ASIC2: variants seen among roughly 807,000 people sequenced by gnomAD.
ASIC2 encodes the protein acid sensing ion channel subunit 2.
In ASIC2, 25 loss-of-function variants were observed where a neutral mutation model predicts 57.3. The observed-to-expected ratio is 0.44, with a 90% confidence interval of 0.32 to 0.61. The LOEUF is 0.61. Among genes scored for constraint, ASIC2 ranks in the 20% least tolerant of loss-of-function variants. ASIC2 has a pLI of 0.06. For synonymous variants in ASIC2, 319 were observed against 307.5 expected, an observed-to-expected ratio of 1.04 and a Z score of -0.39; for missense variants, 641 against 738.1, an observed-to-expected ratio of 0.87 and a Z score of 1.52.
chr17:33,203,074 C>T (rs1051105945), intron 1 of ASIC2, among the ~76,000 whole-genome samples: 3 of 152,218 alleles, frequency 2.0e-5, no homozygotes, highest in Non-Finnish European at 2.9e-5. Flanking sequence ...AAAATTTGCA[C>T]GTGCTAAACC....
At chr17:33,372,055 T>G (rs1237892676) in intron 1 of ASIC2, among the ~76,000 whole-genome samples, 1 of 151,772 alleles carries the variant, frequency 6.6e-6, no homozygotes, top group African/African-American at 2.4e-5. Flanking sequence ...GAATAACACT[T>G]AAGAAGAACT....
At chr17:33,327,090 G>C (rs1307461569) in intron 1 of ASIC2, among the ~76,000 whole-genome samples, 1 of 152,122 alleles carries the variant, frequency 6.6e-6, no homozygotes, top group African/African-American at 2.4e-5. Flanking sequence ...ATTCAACAGG[G>C]AGCCTTCTCT....
intron 1 of ASIC2, among the ~76,000 whole-genome samples, chr17:33,819,283 A>G (rs558834606): frequency 1.3e-4 from 20 of 152,330 alleles, no homozygotes; most frequent in African/African-American, 4.1e-4. Flanking sequence ...TTAGCTTAAA[A>G]GTAAGTTTCT....
Position 33,763,216 on chromosome 17 carries a change from C to G in ASIC2, c.555+392762G>C, listed in dbSNP as rs1910838279. On this transcript the variant is annotated intron_variant, in intron 1 of 9. Coordinates refer to the ASIC2 transcript ENST00000359872. Reference sequence around the variant, plus strand: ...GAGACCATATGTCTTGTTGATTGATCTCTCTCCAGGATTTAACATCATGCT... The same window carrying G: ...GAGACCATATGTCTTGTTGATTGATGTCTCTCCAGGATTTAACATCATGCT... Among the ~76,000 whole-genome samples, 6 of 152,212 alleles carry G rather than the reference C, an allele frequency of 3.9e-5. 1 individual carries two copies.
chr17:33,430,151 G>A (rs1422792027), intron 1 of ASIC2, among the ~76,000 whole-genome samples: 2 of 152,166 alleles, frequency 1.3e-5, no homozygotes, highest in African/African-American at 2.4e-5. Flanking sequence ...CGCTGGTCTT[G>A]TCCTCTTGTC....
chr17:33,173,662 G>A (rs1392311743), intron 1 of ASIC2, among the ~76,000 whole-genome samples: 1 of 152,232 alleles, frequency 6.6e-6, no homozygotes, highest in African/African-American at 2.4e-5. Context: ...GCTTTGACCA[G>A]ACAGGTCTGG....
At chr17:34,008,031 T>C (rs1597971480) in intron 1 of ASIC2, among the ~76,000 whole-genome samples, 1 of 152,184 alleles carries the variant, frequency 6.6e-6, no homozygotes, top group African/African-American at 2.4e-5. Context: ...TCCTTTAGCA[T>C]GGATGGGGCT....
At chr17:34,154,982 G>A (rs993381942) in intron 1 of ASIC2, among the ~76,000 whole-genome samples, 3 of 152,094 alleles carry the variant, frequency 2.0e-5, no homozygotes, top group African/African-American at 7.2e-5. Context: ...GGCAGCAACA[G>A]TGCTCCTCTC....
intron 1 of ASIC2, among the ~76,000 whole-genome samples, chr17:34,040,112 C>T (rs1469014263): frequency 1.9e-4 from 23 of 122,314 alleles, no homozygotes; most frequent in African/African-American, 7.1e-4. Flanking sequence ...CAGAGCCAGG[C>T]GCCCGACGCG....
At chr17:33,545,261 A>G (rs1326177814) in intron 1 of ASIC2, among the ~76,000 whole-genome samples, 2 of 152,192 alleles carry the variant, frequency 1.3e-5, no homozygotes, top group Non-Finnish European at 2.9e-5. Flanking sequence ...TAAGCAATGC[A>G]CATAACCCAG....
intron 1 of ASIC2, among the ~76,000 whole-genome samples, chr17:33,120,227 G>T (rs917837983): frequency 6.6e-6 from 1 of 152,194 alleles, no homozygotes; most frequent in African/African-American, 2.4e-5. Flanking sequence ...GACATTTCCT[G>T]TGCTGCTTTC....
At chr17:33,398,052 C>T (rs1184056325) in intron 1 of ASIC2, among the ~76,000 whole-genome samples, 4 of 152,132 alleles carry the variant, frequency 2.6e-5, no homozygotes, top group African/African-American at 9.7e-5. Flanking sequence ...CAGGGAGATG[C>T]CTCTGTCTAT....
At chr17:33,575,093 G>A (rs945780918) in intron 1 of ASIC2, among the ~76,000 whole-genome samples, 4 of 152,112 alleles carry the variant, frequency 2.6e-5, no homozygotes, top group Non-Finnish European at 5.9e-5. Context: ...GCCTCCACAC[G>A]TCAGTCTCCT....
chr17:33,889,165 T>C (rs1229100292), intron 1 of ASIC2, among the ~76,000 whole-genome samples: 1 of 152,130 alleles, frequency 6.6e-6, no homozygotes, highest in Non-Finnish European at 1.5e-5. Context: ...AATAGATCAG[T>C]TTCATGGAAT....
chr17:33,857,462 A>T (rs72816951), intron 1 of ASIC2, among the ~76,000 whole-genome samples: 2,678 of 152,218 alleles, frequency 0.018, 32 homozygotes, highest in Non-Finnish European at 0.03. Flanking sequence ...CAGCCAGTCA[A>T]CCTCAACACC....
At chr17:33,639,614 G>A (rs1380081636) in intron 1 of ASIC2, among the ~76,000 whole-genome samples, 1 of 152,072 alleles carries the variant, frequency 6.6e-6, no homozygotes, top group Non-Finnish European at 1.5e-5. Flanking sequence ...TGTGACACAG[G>A]AAGTACACTG....
intron 1 of ASIC2, among the ~76,000 whole-genome samples, chr17:33,579,103 G>C (rs1371050439): frequency 6.7e-6 from 1 of 148,208 alleles, no homozygotes; most frequent in African/African-American, 2.6e-5. Context: ...TGGCCAACAT[G>C]GTGAAACCCC....
intron 1 of ASIC2, among the ~76,000 whole-genome samples, chr17:33,608,411 T>C (rs1250522884): frequency 1.3e-5 from 2 of 152,156 alleles, no homozygotes; most frequent in Non-Finnish European, 2.9e-5. Flanking sequence ...AAGAGACTCA[T>C]ATATTTTCGG....
intron 1 of ASIC2, among the ~76,000 whole-genome samples, chr17:34,117,245 G>A (rs554423108): frequency 6.6e-6 from 1 of 152,166 alleles, no homozygotes; most frequent in African/African-American, 2.4e-5. Flanking sequence ...TATCTCTGGT[G>A]GAAAAAAGAT....
Sources: gnomAD v4.1 joint callset for allele counts (sites outside exome capture counted in the v4.1 genomes callset) on GRCh38, gnomAD v4.1.1 for gene constraint, MANE v1.5 for transcripts, NCBI Gene and HGNC (gene_info 2026-07-23, HGNC 2026-07-21) for gene names.